Variants in NDUFA10 observed in about 807,000 individuals in gnomAD.
NDUFA10 encodes the protein NADH:ubiquinone oxidoreductase subunit A10, also known as NADH dehydrogenase [ubiquinone] 1 alpha subcomplex subunit 10, mitochondrial.
Under a neutral mutation model 47.8 loss-of-function variants are expected in NDUFA10, and 40 were observed. That is an observed-to-expected ratio of 0.84 (90% CI 0.65 to 1.09). The LOEUF (loss-of-function observed/expected upper bound fraction) is 1.09, where lower values mean the gene tolerates loss of function less well. Ranked by LOEUF, NDUFA10 falls within the 50% of genes least tolerant of loss-of-function variation. The pLI is 0.00. For missense variants in NDUFA10, 413 were observed against 451.1 expected, an observed-to-expected ratio of 0.92 and a Z score of 0.76; for synonymous variants, 183 against 172.2, an observed-to-expected ratio of 1.06 and a Z score of -0.49.
rs780857249 is a variant in NDUFA10, at chr2:239,961,151, G to A, written c.1035C>T (p.Thr345=). The stretch of plus-strand genomic sequence containing the variant: ...GCCAGATCCACTTGTCTCCCACCTC[G>A]GTGTTGTACCCAGGGCTGTACTTGC... ...PGRKYSPGYN[T]EVGDKWIWLK The change falls in exon 10 of 10, where the codon ACC becomes ACT. Residue 345 remains threonine (T), a synonymous_variant. Transcript: ENST00000252711. 9.9e-6 allele frequency: 16 copies of A among 1,614,032 alleles called. No individual in the cohort carries two copies. The highest frequency in any genetic ancestry group is 5.3e-5 in the African/African-American group (4 of 74,932).
intron 9 of NDUFA10, among the ~76,000 whole-genome samples, chr2:239,970,715 T>TA (rs1695273291): frequency 2.0e-5 from 3 of 152,194 alleles, no homozygotes; most frequent in South Asian, 2.1e-4. Flanking sequence ...TGTGACAAGT[T>TA]AGAGTTGCCC....
chr2:239,946,174 C>T (rs1421553238), intron 4 of NDUFA10, among the ~76,000 whole-genome samples: 2 of 152,170 alleles, frequency 1.3e-5, no homozygotes, highest in Admixed American at 1.3e-4. Flanking sequence ...CTCCCACTTG[C>T]TCCTCCTCAG....
intron 9 of NDUFA10, among the ~76,000 whole-genome samples, chr2:239,977,440 C>A (rs1300043833): frequency 6.6e-6 from 1 of 152,158 alleles, no homozygotes; most frequent in Non-Finnish European, 1.5e-5. Flanking sequence ...AGCAGGCTTC[C>A]CAGACACCTA....
chr2:239,920,997 G>C (rs1693966853), intron 4 of NDUFA10, among the ~76,000 whole-genome samples: 1 of 152,172 alleles, frequency 6.6e-6, no homozygotes, highest in Admixed American at 6.5e-5. Context: ...CCAGGAAGTA[G>C]CATCTTCCAC....
intron 4 of NDUFA10, among the ~76,000 whole-genome samples, chr2:239,908,505 C>T (rs1458548590): frequency 1.3e-5 from 2 of 152,192 alleles, no homozygotes; most frequent in East Asian, 1.9e-4. Flanking sequence ...CTGACAGTGC[C>T]GCCCACTGCT....
chr2:239,915,366 GACAC>G (rs1330862509), intron 4 of NDUFA10, among the ~76,000 whole-genome samples: 2 of 136,426 alleles, frequency 1.5e-5, no homozygotes, highest in Admixed American at 7.3e-5. Flanking sequence ...CAAATATACA[GACAC>G]ACACAGAGAC....
At chr2:239,998,535 CT>C (rs11316186) in intron 8 of NDUFA10, among the ~76,000 whole-genome samples, 57,610 of 152,032 alleles carry the variant, frequency 0.38, 11,394 homozygotes, top group Admixed American at 0.45. Context: ...CCTTGGTTGG[CT>C]TCTGGAAACT....
intron 9 of NDUFA10, chr2:239,973,460 C>T (rs1287975068): frequency 2.1e-6 from 1 of 467,474 alleles, no homozygotes; most frequent in South Asian, 1.6e-5. Flanking sequence ...GAACTCAATA[C>T]TGAAAATGAA....
At chr2:239,909,276 CA>C (rs1286136480) in intron 4 of NDUFA10, among the ~76,000 whole-genome samples, 1 of 152,072 alleles carries the variant, frequency 6.6e-6, no homozygotes, top group African/African-American at 2.4e-5. Context: ...AAATGAACTC[CA>C]GAAGGATTAA....
intron 4 of NDUFA10, among the ~76,000 whole-genome samples, chr2:239,941,789 A>G (rs899631417): frequency 6.6e-6 from 1 of 152,168 alleles, no homozygotes. Context: ...TCCTCTCTTC[A>G]GAAAAACCAT....
At chr2:239,904,941 G>T (rs1359863533) in intron 4 of NDUFA10, among the ~76,000 whole-genome samples, 1 of 152,194 alleles carries the variant, frequency 6.6e-6, no homozygotes, top group East Asian at 1.9e-4. Context: ...GCGTCTCACT[G>T]TGTCTGTGCC....
intron 4 of NDUFA10, among the ~76,000 whole-genome samples, chr2:239,905,847 GA>G: frequency 7.4e-6 from 1 of 135,006 alleles, no homozygotes; most frequent in Non-Finnish European, 1.6e-5. Context: ...GAGGGGAGGG[GA>G]GGGGAGGGGA....
At chr2:239,919,992 G>C (rs1486615958) in intron 4 of NDUFA10, among the ~76,000 whole-genome samples, 1 of 152,252 alleles carries the variant, frequency 6.6e-6, no homozygotes, top group South Asian at 2.1e-4. Flanking sequence ...TACTGTGTGT[G>C]CCCCAGCACC....
chr2:240,022,142 G>C (rs772484940), intron 2 of NDUFA10, 30 bp downstream of exon 2: 2 of 1,582,128 alleles, frequency 1.3e-6, no homozygotes, highest in African/African-American at 2.7e-5. Context: ...CTGAGAAAAA[G>C]GTATCATTCT....
chr2:239,951,486 G>A (rs1292573349), intron 4 of NDUFA10, among the ~76,000 whole-genome samples: 2 of 152,294 alleles, frequency 1.3e-5, no homozygotes, highest in African/African-American at 2.4e-5. Flanking sequence ...AAAAATGCCC[G>A]TGCTGGGCAG....
Position 239,928,208 on chromosome 2 carries a change from G to GA in NDUFA10, c.295-32895dup, listed in dbSNP as rs576367659. 2.1e-4 allele frequency among the ~76,000 whole-genome samples: 32 copies of GA among 149,746 alleles called. No individual in the cohort carries two copies. The highest frequency in any genetic ancestry group is 4.7e-4 in the African/African-American group (19 of 40,786). ...ACAAAAGAAGAAAACAAATGTAACA[G>GA]AAAAAAAAAGGCAGGTACCAATGCC... On this transcript the variant is annotated intron_variant, in intron 4 of 5. Coordinates refer to the NDUFA10 transcript ENST00000419408. This position sits in a 1 kb window ranked among gnomAD's most constrained non-coding sequence, Gnocchi z 4.3.
chr2:239,912,817 A>G (rs372422560), intron 4 of NDUFA10, among the ~76,000 whole-genome samples: 11 of 152,154 alleles, frequency 7.2e-5, no homozygotes, highest in Admixed American at 7.2e-4. Flanking sequence ...GTCAATGTCC[A>G]TCCATAGATC....
rs1229662219 is a variant in NDUFA10, at chr2:239,930,065, T to C, written c.295-34751A>G. Among the ~76,000 whole-genome samples the C allele has an allele frequency of 1.3e-4, 8 of 62,056 alleles. 1 individual carries two copies. Among genetic ancestry groups the C allele is most frequent in the African/African-American group, 5.9e-4 (7 of 11,808 alleles). 40.7% of individuals were successfully genotyped at this position (62,056 alleles called of 152,430 possible). A position where few individuals can be genotyped will look rare whatever the true frequency, so the allele number is the denominator to read the frequency against. The stretch of plus-strand genomic sequence containing the variant: ...CCCCTGCTCCTCCGCTGCCCCTGCT[T>C]CTCCACCGCCCCTGCTCCTCAGCCA... On this transcript the variant is annotated intron_variant, in intron 4 of 5. Transcript: ENST00000419408.
chr2:239,960,675 G>A lies in NDUFA10; in HGVS notation c.*443C>T. 2.7e-6 allele frequency: 3 copies of A among 1,117,050 alleles called. No individual in the cohort carries two copies. Among genetic ancestry groups the A allele is most frequent in the Non-Finnish European group, 3.3e-6 (3 of 905,212 alleles). The allele number at this position is 1,117,050 out of a possible 1,614,324, so 69.2% of individuals were successfully genotyped here. On this transcript the variant is annotated 3_prime_UTR_variant, in exon 10 of 10. Transcript: ENST00000252711. ...CACACCACACCAAACAGGGCCCAGA[G>A]CAGCGTGTGTGCACGTGTGCAGTTT...
Sources: allele counts gnomAD v4.1 joint callset (sites outside exome capture counted in the v4.1 genomes callset), GRCh38; gene constraint gnomAD v4.1.1; non-coding constraint Gnocchi (gnomAD v3.1); transcripts MANE v1.5; gene names NCBI Gene and HGNC (gene_info 2026-07-23, HGNC 2026-07-21).